The following PTPRD variants were observed in gnomAD, a reference collection of about 807,000 sequenced individuals.
PTPRD encodes the protein protein tyrosine phosphatase receptor type D, also known as receptor-type tyrosine-protein phosphatase delta.
In PTPRD, 34 loss-of-function variants were observed where a neutral mutation model predicts 214.5. The observed-to-expected ratio is 0.16, with a 90% CI of 0.12 to 0.21. The LOEUF is 0.21. PTPRD is among the 10% of genes least tolerant of loss of function. The probability of loss-of-function intolerance (pLI) is 1.00; values close to 1 mark genes in which losing one functional copy is unlikely to be tolerated. For missense variants in PTPRD, 2,545 were observed against 2,398.7 expected (o/e 1.06, Z -1.27); for synonymous variants, 1,128 against 845.7 (o/e 1.33, Z -5.79).
At chr9:10,016,166 T>C (rs929640358) in intron 4 of PTPRD, among the ~76,000 whole-genome samples, 1 of 152,194 alleles carries the variant, frequency 6.6e-6, no homozygotes, top group Non-Finnish European at 1.5e-5. Context: ...GGGAGGTTTG[T>C]ATATGTACAT....
chr9:9,580,034 T>A (rs191102204), intron 7 of PTPRD, among the ~76,000 whole-genome samples: 31 of 152,296 alleles, frequency 2.0e-4, no homozygotes, highest in African/African-American at 7.5e-4. Context: ...ACATGTTTCA[T>A]CTTTTTTATG....
chr9:9,921,855 T>C (rs534226435), intron 5 of PTPRD, among the ~76,000 whole-genome samples: 4 of 152,166 alleles, frequency 2.6e-5, no homozygotes, highest in African/African-American at 7.2e-5. Context: ...AACCATAACA[T>C]TCCTATCATT....
intron 7 of PTPRD, among the ~76,000 whole-genome samples, chr9:9,678,693 GA>G (rs1158261092): frequency 4.6e-5 from 7 of 150,956 alleles, no homozygotes; most frequent in Non-Finnish European, 8.9e-5. Context: ...ACAATTAGAA[GA>G]AAAAAACAAA....
At chr9:9,885,179 T>C (rs189224807) in intron 5 of PTPRD, among the ~76,000 whole-genome samples, 122 of 151,718 alleles carry the variant, frequency 8.0e-4, no homozygotes, top group African/African-American at 2.9e-3. Flanking sequence ...CTACTTATGA[T>C]ATAAAAAGAA....
intron 2 of PTPRD, among the ~76,000 whole-genome samples, chr9:10,472,041 C>T (rs2099034402): frequency 6.6e-6 from 1 of 151,946 alleles, no homozygotes; most frequent in African/African-American, 2.4e-5. Context: ...TATGAGATAT[C>T]ACAAAATGAT....
chr9:9,931,999 G>C (rs1260668172), intron 5 of PTPRD, among the ~76,000 whole-genome samples: 1 of 152,008 alleles, frequency 6.6e-6, no homozygotes, highest in Non-Finnish European at 1.5e-5. Context: ...TACTCCAACA[G>C]ACCTGCAGCT....
chr9:8,922,303 A>G (rs1385338845), intron 11 of PTPRD, among the ~76,000 whole-genome samples: 1 of 152,190 alleles, frequency 6.6e-6, no homozygotes, highest in African/African-American at 2.4e-5. Context: ...CTTTCAGAAG[A>G]GAGCTCACTA....
At chr9:10,146,072 G>A (rs2154271438) in intron 3 of PTPRD, among the ~76,000 whole-genome samples, 2 of 151,416 alleles carry the variant, frequency 1.3e-5, no homozygotes, top group Middle Eastern at 3.5e-3. Context: ...TATGAAAACT[G>A]TATCATTTCA....
At chr9:8,369,802 C>T (rs2080982053) in intron 39 of PTPRD, among the ~76,000 whole-genome samples, 1 of 151,746 alleles carries the variant, frequency 6.6e-6, no homozygotes, top group African/African-American at 2.4e-5. Flanking sequence ...GAAATTACAG[C>T]TTTTTCCCAA....
chr9:10,601,194 C>T (rs1020441516), intron 2 of PTPRD, among the ~76,000 whole-genome samples: 10 of 151,252 alleles, frequency 6.6e-5, no homozygotes, highest in South Asian at 6.3e-4. Context: ...GCAGAAAAAA[C>T]GAATAGAGTA....
At chr9:9,963,396 T>C (rs1168861772) in intron 4 of PTPRD, among the ~76,000 whole-genome samples, 1 of 150,602 alleles carries the variant, frequency 6.6e-6, no homozygotes, top group Non-Finnish European at 1.5e-5. Flanking sequence ...GAAATGCCTC[T>C]AAGTGTAAAT....
chr9:9,444,920 C>G (rs1383411930), intron 8 of PTPRD, among the ~76,000 whole-genome samples: 1 of 152,172 alleles, frequency 6.6e-6, no homozygotes, highest in African/African-American at 2.4e-5. Context: ...CCTATTTTCT[C>G]TATCCTTCAT....
At chr9:8,548,300 C>T (rs2080884050) in intron 14 of PTPRD, among the ~76,000 whole-genome samples, 1 of 151,846 alleles carries the variant, frequency 6.6e-6, no homozygotes, top group Admixed American at 6.6e-5. Flanking sequence ...GATGGCTGGC[C>T]AGGTCCAACT....
chr9:9,284,757 G>A (rs1177589674), intron 9 of PTPRD, among the ~76,000 whole-genome samples: 1 of 151,778 alleles, frequency 6.6e-6, no homozygotes, highest in Non-Finnish European at 1.5e-5. Flanking sequence ...CTTATGTTAG[G>A]ATCTTGGCTC....
chr9:9,090,004 G>T (rs1448166058), intron 10 of PTPRD, among the ~76,000 whole-genome samples: 1 of 152,108 alleles, frequency 6.6e-6, no homozygotes, highest in African/African-American at 2.4e-5. Context: ...GCATACATGT[G>T]TAATGATCAA....
At chr9:8,593,283 T>C (rs1443693537) in intron 14 of PTPRD, among the ~76,000 whole-genome samples, 8 of 152,206 alleles carry the variant, frequency 5.3e-5, no homozygotes, top group Admixed American at 3.9e-4. Context: ...CAGCACCTGA[T>C]ACAGAAGATG....
intron 2 of PTPRD, among the ~76,000 whole-genome samples, chr9:10,578,010 C>G (rs2070131683): frequency 6.6e-6 from 1 of 151,388 alleles, no homozygotes; most frequent in African/African-American, 2.4e-5. Context: ...CTCCCAGGTT[C>G]AAGCGATTCT....
chr9:8,713,269 C>A, intron 12 of PTPRD: 1 of 664,476 alleles, frequency 1.5e-6, no homozygotes, highest in Non-Finnish European at 2.7e-6. Context: ...AATCTTTATC[C>A]ACTGAGCTTT....
At chr9:9,127,420 A>T (rs1592069370) in intron 10 of PTPRD, among the ~76,000 whole-genome samples, 1 of 152,220 alleles carries the variant, frequency 6.6e-6, no homozygotes, top group East Asian at 1.9e-4. Context: ...GTATGAAGAG[A>T]AATGAATTGA....
Sources: gnomAD v4.1 joint callset for allele counts (sites outside exome capture counted in the v4.1 genomes callset) on GRCh38, gnomAD v4.1.1 for gene constraint, MANE v1.5 for transcripts, NCBI Gene and HGNC (gene_info 2026-07-23, HGNC 2026-07-21) for gene names.